The following PITPNM3 variants were observed in gnomAD, a reference collection of about 807,000 sequenced individuals.
PITPNM3 encodes PITPNM family member 3.
PITPNM3 carries 26 observed loss-of-function variants against 102.0 expected under a neutral mutation model. The ratio of observed to expected loss-of-function variants is 0.25; its 90% confidence interval spans 0.19 to 0.35. PITPNM3 has a LOEUF of 0.35. Among genes scored for constraint, PITPNM3 ranks in the 10% least tolerant of loss-of-function variants. PITPNM3 has a pLI of 1.00. For missense variants in PITPNM3, 1,083 were observed against 1,346.1 expected, an observed-to-expected ratio of 0.80 and a Z score of 3.06; for synonymous variants, 578 against 558.6, an observed-to-expected ratio of 1.03 and a Z score of -0.49.
chr17:6,464,824 G>A, intron 14 of PITPNM3, 53 bp from the exon 15 acceptor site: 1 of 1,549,642 alleles, frequency 6.5e-7, no homozygotes, highest in South Asian at 1.1e-5. Context: ...GCTCAACCTT[G>A]CTTTATCATT....
At chr17:6,499,345 C>T (rs999335828) in intron 4 of PITPNM3, among the ~76,000 whole-genome samples, 4 of 152,238 alleles carry the variant, frequency 2.6e-5, no homozygotes, top group African/African-American at 9.6e-5. Flanking sequence ...CATACCTGCG[C>T]ATGCCTGAGA....
Position 6,537,289 on chromosome 17 carries a change from C to T in PITPNM3, c.118+698G>A, listed in dbSNP as rs1243151850. On this transcript the variant is annotated intron_variant, in intron 2 of 19. Coordinates refer to ENST00000262483, the MANE Select transcript of PITPNM3 (RefSeq NM_031220.4). This position sits in a 1 kb window ranked among gnomAD's most constrained non-coding sequence, Gnocchi z 4.4. ...TTTTTTTTTTTCTGAGACAGAGTAT[C>T]GCTCTGTCTGCAGTGCCATCTCGGC... Among the ~76,000 whole-genome samples the T allele has an allele frequency of 6.7e-5, 9 of 134,464 alleles. No individual in the cohort carries two copies. The highest frequency in any genetic ancestry group is 2.0e-4 in the African/African-American group (7 of 34,176). The allele number at this position is 134,464 out of a possible 152,430, so 88.2% of individuals were successfully genotyped here. A position where few individuals can be genotyped will look rare whatever the true frequency, so the allele number is the denominator to read the frequency against.
intron 4 of PITPNM3, among the ~76,000 whole-genome samples, chr17:6,494,530 G>C (rs1906685041): frequency 6.6e-6 from 1 of 152,204 alleles, no homozygotes; most frequent in Admixed American, 6.5e-5. Flanking sequence ...ATCCAGCACA[G>C]GGCCTAGGAA....
Position 6,457,769 on chromosome 17 carries a change from C to A in PITPNM3, c.2491-47G>T. On this transcript the variant is annotated intron_variant, in intron 18 of 19. Transcript: ENST00000262483. The surrounding 1 kb of genome is among the most constrained non-coding windows in gnomAD (Gnocchi z 4.7). ...GGGGGAGAGTGAGGCCAGCCCACCC[C>A]CTGGAAAGCCTTCCCAGGCCAACCC... 6.4e-7 allele frequency: 1 copy of A among 1,552,772 alleles called. No homozygotes were observed. Among genetic ancestry groups the A allele is most frequent in the Admixed American group, 1.9e-5 (1 of 51,294 alleles).
chr17:6,486,493 G>T (rs1013525889), intron 4 of PITPNM3, among the ~76,000 whole-genome samples: 3 of 152,180 alleles, frequency 2.0e-5, no homozygotes, highest in Admixed American at 6.5e-5. Context: ...TCTCAGCAGG[G>T]AAGAGCATTT....
At chr17:6,502,785 T>C (rs975344606) in intron 4 of PITPNM3, among the ~76,000 whole-genome samples, 2 of 152,132 alleles carry the variant, frequency 1.3e-5, no homozygotes, top group Non-Finnish European at 2.9e-5. Flanking sequence ...AGCAAAGACA[T>C]TTGGCCCAGA....
rs1299897438 is a variant in PITPNM3, at chr17:6,549,796, C to G, written c.22+6589G>C. ...CATTTGTTATGCATTCTCTCCTCCC[C>G]CCTCCCACACCGAGCCCTTCCCCTG... On this transcript the variant is annotated intron_variant, in intron 1 of 19. Transcript: ENST00000262483. Among the ~76,000 whole-genome samples, 8 of 152,328 alleles carry G rather than the reference C, an allele frequency of 5.3e-5. No homozygotes were observed. The East Asian group carries it at 1.4e-3, about 26-fold the overall frequency.
chr17:6,547,929 T>C (rs1011046442), intron 1 of PITPNM3, among the ~76,000 whole-genome samples: 15 of 151,848 alleles, frequency 9.9e-5, no homozygotes, highest in Non-Finnish European at 1.9e-4. Context: ...GGTTTCTCCA[T>C]GTTGGTCAGG....
intron 17 of PITPNM3, among the ~76,000 whole-genome samples, chr17:6,462,435 A>C (rs1019094572): frequency 6.6e-6 from 1 of 151,980 alleles, no homozygotes; most frequent in Non-Finnish European, 1.5e-5. Context: ...CCCCCTGAAC[A>C]AACCCTTGGC....
At chr17:6,534,881 G>A (rs1182113474) in intron 2 of PITPNM3, among the ~76,000 whole-genome samples, 1 of 152,184 alleles carries the variant, frequency 6.6e-6, no homozygotes, top group African/African-American at 2.4e-5. Flanking sequence ...AGGCAGCAAT[G>A]AGACTGCCAT....
chr17:6,475,064 C>T (rs1905241918), intron 9 of PITPNM3, among the ~76,000 whole-genome samples: 1 of 152,210 alleles, frequency 6.6e-6, no homozygotes, highest in Admixed American at 6.5e-5. Flanking sequence ...CTGAGGATTC[C>T]TGCACTGTGT....
At chr17:6,531,580 C>T (rs777059618) in intron 2 of PITPNM3, among the ~76,000 whole-genome samples, 1 of 152,248 alleles carries the variant, frequency 6.6e-6, no homozygotes, top group Non-Finnish European at 1.5e-5. Flanking sequence ...TCCTGCACTA[C>T]GGACTCTGAG....
intron 2 of PITPNM3, among the ~76,000 whole-genome samples, chr17:6,534,834 T>G (rs1176267948): frequency 6.6e-6 from 1 of 151,586 alleles, no homozygotes; most frequent in African/African-American, 2.4e-5. Context: ...GAGGAGGGAG[T>G]ACAGATGCAG....
intron 4 of PITPNM3, 25 bp downstream of exon 4, chr17:6,503,502 C>T (rs558477708): frequency 1.2e-6 from 2 of 1,611,854 alleles, no homozygotes; most frequent in African/African-American, 2.7e-5. Context: ...GAAGAAATGA[C>T]CCCACAGGGT....
Position 6,457,070 on chromosome 17 carries a change from C to T in PITPNM3, c.2619+524G>A, listed in dbSNP as rs2150712772. On this transcript the variant is annotated intron_variant, in intron 19 of 19. Coordinates refer to ENST00000262483, the MANE Select transcript of PITPNM3 (RefSeq NM_031220.4). This position sits in a 1 kb window ranked among gnomAD's most constrained non-coding sequence, Gnocchi z 4.7. ...CTTGGCCGCACTGACCGTTCTAGCC[C>T]CGCCCCCCCACCTCCCAGCTCACGT... Among the ~76,000 whole-genome samples, 1 of 142,530 alleles carries T rather than the reference C, an allele frequency of 7.0e-6. No homozygotes were observed. Among genetic ancestry groups the T allele is most frequent in the African/African-American group, 2.4e-5 (1 of 40,956 alleles). The allele number at this position is 142,530 out of a possible 152,430, so 93.5% of individuals were successfully genotyped here.
At chr17:6,540,908 C>T (rs563534060) in intron 1 of PITPNM3, among the ~76,000 whole-genome samples, 4 of 152,348 alleles carry the variant, frequency 2.6e-5, no homozygotes, top group African/African-American at 9.6e-5. Flanking sequence ...ATCTGCCCGC[C>T]TCAGCTTCCC....
At position 6,457,263 on chromosome 17, in the gene PITPNM3, TGGGTTAGCGGTCCCTCTCCAGGGCCCC is replaced by T. The variant is rs1316202451; in HGVS notation, c.2619+304_2619+330del. 1.3e-5 allele frequency among the ~76,000 whole-genome samples: 2 copies of T among 152,328 alleles called. No homozygotes were observed. The highest frequency in any genetic ancestry group is 3.4e-3 in the Middle Eastern group (1 of 294). On this transcript the variant is annotated intron_variant, in intron 19 of 19. Transcript: ENST00000262483. This position sits in a 1 kb window ranked among gnomAD's most constrained non-coding sequence, Gnocchi z 4.7. ...GGAAACCCAACCTTGCCCTGGAGTC[TGGGTTAGCGGTCCCTCTCCAGGGCCCC>T]ACAGTTCCCTGTGCTCCCGTCATAC...
chr17:6,509,542 C>A (rs1186420251), intron 3 of PITPNM3, among the ~76,000 whole-genome samples: 1 of 152,104 alleles, frequency 6.6e-6, no homozygotes, highest in Non-Finnish European at 1.5e-5. Context: ...GCATTGGGAG[C>A]CCTGGCCAGG....
chr17:6,499,880 G>T (rs1309578872), intron 4 of PITPNM3, among the ~76,000 whole-genome samples: 1 of 152,048 alleles, frequency 6.6e-6, no homozygotes, highest in African/African-American at 2.4e-5. Flanking sequence ...ACAGGCGCAT[G>T]CCACCATGCC....
Sources: allele counts gnomAD v4.1 joint callset (sites outside exome capture counted in the v4.1 genomes callset), GRCh38; gene constraint gnomAD v4.1.1; non-coding constraint Gnocchi (gnomAD v3.1); transcripts MANE v1.5; gene names NCBI Gene and HGNC (gene_info 2026-07-23, HGNC 2026-07-21).